The following ADORA2B variants were observed in gnomAD, a reference collection of about 807,000 sequenced individuals.
ADORA2B encodes adenosine receptor A2b.
A neutral mutation model predicts 20.8 loss-of-function variants in ADORA2B; 18 were observed. The observed-to-expected ratio is 0.87, with a 90% CI of 0.60 to 1.29. ADORA2B has a LOEUF of 1.29. Ranked by LOEUF, ADORA2B falls within the 50% of genes most tolerant of loss-of-function variation. The probability of loss-of-function intolerance (pLI) is 0.00; values close to 1 mark genes in which losing one functional copy is unlikely to be tolerated. For synonymous variants in ADORA2B, 179 were observed against 178.3 expected (o/e 1.00, Z -0.03); for missense variants, 441 against 422.7 (o/e 1.04, Z -0.38).
upstream of ADORA2B, among the ~76,000 whole-genome samples, chr17:15,943,870 CCCATCCTCTTTGGTGA>C (rs1969766202): frequency 6.6e-6 from 1 of 152,166 alleles, no homozygotes; most frequent in African/African-American, 2.4e-5. Flanking sequence ...AATCTCCTTA[CCCATCCTCTTTGGTGA>C]CTGTCAGCAA....
the ADORA2B span, among the ~76,000 whole-genome samples, chr17:15,869,249 G>C: frequency 2.0e-3 from 297 of 151,810 alleles, 2 homozygotes; most frequent in Non-Finnish European, 3.2e-3. Context: ...AAACTCAGGA[G>C]GCAGTGGTGG....
chr17:15,968,770 GCAGCTCTCA>G (rs1320734225), intron 1 of ADORA2B, among the ~76,000 whole-genome samples: 1 of 152,182 alleles, frequency 6.6e-6, no homozygotes, highest in Admixed American at 6.5e-5. Flanking sequence ...ACTGAGGATA[GCAGCTCTCA>G]CCTCAGGAGG....
Position 15,945,367 on chromosome 17 carries a change from C to G in ADORA2B, c.119C>G (p.Thr40Arg). 6.2e-7 allele frequency: 1 copy of G among 1,611,824 alleles called. No homozygotes were observed. The highest frequency in any genetic ancestry group is 8.5e-7 in the Non-Finnish European group (1 of 1,179,784). ...GTGGGCACGGCGAACACTCTGCAGA[C>G]GCCCACCAACTACTTCCTGGTGTCC... ...AAVGTANTLQTPTNYFLVSLA... is the reference protein window; with the variant it reads ...AAVGTANTLQRPTNYFLVSLA... The change falls in exon 1 of 2, where the codon ACG (threonine) becomes AGG (arginine). Residue 40 changes from threonine to arginine, a missense_variant. By Grantham distance (71) the Thr-to-Arg change is moderately conservative (BLOSUM62 -1). Transcript: ENST00000304222.
At chr17:15,876,456 T>C in the ADORA2B span, among the ~76,000 whole-genome samples, 4 of 149,562 alleles carry the variant, frequency 2.7e-5, no homozygotes, top group Admixed American at 6.6e-5. Flanking sequence ...TTTCTTTTTT[T>C]TTTTTTTTGT....
chr17:15,972,442 C>T (rs1970200465), intron 1 of ADORA2B, among the ~76,000 whole-genome samples: 1 of 152,194 alleles, frequency 6.6e-6, no homozygotes, highest in Non-Finnish European at 1.5e-5. Flanking sequence ...TTATACATTA[C>T]ATATGTATTA....
the ADORA2B span, among the ~76,000 whole-genome samples, chr17:15,905,211 T>G: frequency 6.6e-6 from 1 of 151,786 alleles, no homozygotes; most frequent in Non-Finnish European, 1.5e-5. Flanking sequence ...CTTTTATCTG[T>G]GTCTTGTAGT....
rs1184744601 is a variant in ADORA2B at position 15,945,396 on chromosome 17, G to T, written c.148G>T (p.Ala50Ser). 6.2e-7 allele frequency: 1 copy of T among 1,613,318 alleles called. No individual in the cohort carries two copies. The highest frequency in any genetic ancestry group is 1.1e-5 in the South Asian group (1 of 91,068). ...CACCAACTACTTCCTGGTGTCCCTGGCTGCGGCCGACGTGGCCGTGGGGCT... is the reference window on the plus strand; with the variant it reads ...CACCAACTACTTCCTGGTGTCCCTGTCTGCGGCCGACGTGGCCGTGGGGCT... ...TPTNYFLVSL[A>S]AADVAVGLFA... Residue 50 changes from alanine to serine, a missense_variant, in exon 1 of 2, where the codon GCT becomes TCT. Transcript: ENST00000304222.
At chr17:15,956,987 G>T (rs1230766620) in intron 1 of ADORA2B, among the ~76,000 whole-genome samples, 1 of 152,186 alleles carries the variant, frequency 6.6e-6, no homozygotes, top group African/African-American at 2.4e-5. Context: ...TTTTAATCTG[G>T]AGTTTGATAT....
the ADORA2B span, among the ~76,000 whole-genome samples, chr17:15,924,036 C>CAGAGT: frequency 6.6e-6 from 1 of 152,174 alleles, no homozygotes; most frequent in Non-Finnish European, 1.5e-5. Flanking sequence ...CCTTCGCCTC[C>CAGAGT]AGAGTAGCTG....
chr17:15,860,598 T>G, the ADORA2B span, among the ~76,000 whole-genome samples: 1 of 152,120 alleles, frequency 6.6e-6, no homozygotes, highest in Non-Finnish European at 1.5e-5. Context: ...GTCTTGAAAT[T>G]CACAATAATT....
intron 1 of ADORA2B, among the ~76,000 whole-genome samples, chr17:15,949,945 C>T (rs958579611): frequency 1.3e-5 from 2 of 152,236 alleles, no homozygotes; most frequent in Admixed American, 1.3e-4. Flanking sequence ...CTTGGGTTCA[C>T]CCTTCTGCAT....
the ADORA2B span, among the ~76,000 whole-genome samples, chr17:15,876,706 AT>A: frequency 1.3e-4 from 20 of 151,830 alleles, no homozygotes; most frequent in Non-Finnish European, 2.2e-4. Flanking sequence ...TAAATGCTTC[AT>A]TTCTGCTATC....
At chr17:15,964,629 A>G (rs1970079558) in intron 1 of ADORA2B, among the ~76,000 whole-genome samples, 1 of 151,342 alleles carries the variant, frequency 6.6e-6, no homozygotes, top group South Asian at 2.1e-4. Flanking sequence ...AAAAAAAAAA[A>G]AAAGAAAAGA....
the ADORA2B span, among the ~76,000 whole-genome samples, chr17:15,927,628 CAA>C: frequency 1.3e-5 from 2 of 152,172 alleles, no homozygotes; most frequent in Non-Finnish European, 2.9e-5. Flanking sequence ...GCCTGAGCAA[CAA>C]GAGCAAGACT....
the ADORA2B span, among the ~76,000 whole-genome samples, chr17:15,899,912 A>G: frequency 4.0e-5 from 6 of 151,434 alleles, no homozygotes; most frequent in Non-Finnish European, 1.5e-5. Flanking sequence ...GCTCACTGCA[A>G]CCTCTGACTC....
the ADORA2B span, among the ~76,000 whole-genome samples, chr17:15,857,787 T>C: frequency 3.3e-5 from 5 of 152,078 alleles, no homozygotes; most frequent in Non-Finnish European, 7.3e-5. Flanking sequence ...AACTGACTTG[T>C]TTTTATAGCA....
the ADORA2B span, chr17:15,850,598 A>G: frequency 6.0e-6 from 1 of 166,374 alleles, no homozygotes; most frequent in Non-Finnish European, 1.5e-5. Flanking sequence ...ACTTCTGTCC[A>G]TAAGGCCCTT....
chr17:15,864,854 G>A, the ADORA2B span, among the ~76,000 whole-genome samples: 11,589 of 151,502 alleles, frequency 0.076, 1,228 homozygotes, highest in African/African-American at 0.24. Flanking sequence ...TGAGAGCACC[G>A]AAGAACAATA....
chr17:15,955,406 T>G (rs563527646), intron 1 of ADORA2B, among the ~76,000 whole-genome samples: 1 of 143,750 alleles, frequency 7.0e-6, no homozygotes, highest in African/African-American at 2.7e-5. Flanking sequence ...GTTTTTTTTG[T>G]TTTTTTTTTT....
Sources: gnomAD v4.1 joint callset for allele counts (sites outside exome capture counted in the v4.1 genomes callset) on GRCh38, gnomAD v4.1.1 for gene constraint, MANE v1.5 for transcripts, NCBI Gene and HGNC (gene_info 2026-07-23, HGNC 2026-07-21) for gene names.